The following NPTX2 variants were observed in gnomAD, a reference collection of about 807,000 sequenced individuals.
NPTX2 encodes the protein neuronal pentraxin-2.
Under a neutral mutation model 38.1 loss-of-function variants are expected in NPTX2, and 23 were observed. The observed-to-expected ratio is 0.60, with a 90% CI of 0.43 to 0.85. The LOEUF (loss-of-function observed/expected upper bound fraction) is 0.85. NPTX2 is among the 40% of genes least tolerant of loss of function. The pLI is 0.00. For missense variants in NPTX2, 553 were observed against 615.3 expected, an observed-to-expected ratio of 0.90 and a Z score of 1.07; for synonymous variants, 291 against 287.3, an observed-to-expected ratio of 1.01 and a Z score of -0.13.
chr7:98,619,736 C>A lies in NPTX2; in HGVS notation c.520C>A (p.Leu174Met). 1 of 1,613,306 alleles carries A rather than the reference C, an allele frequency of 6.2e-7. No individual in the cohort carries two copies. Among genetic ancestry groups the A allele is most frequent in the Non-Finnish European group, 8.5e-7 (1 of 1,180,028 alleles). The change falls in exon 2 of 5, where the codon CTG (leucine) becomes ATG (methionine). Residue 174 changes from leucine to methionine, a missense_variant. Transcript: ENST00000265634. ...GCTGGGGGAGCTGGAGAGGCAGCTT[C>A]TGCGCAAGGTGGCAGAGCTGGAGGA... ...QRLGELERQL[L>M]RKVAELEDEK... is the part of the protein sequence containing the mutation.
chr7:98,625,046 G>A lies in NPTX2; in HGVS notation c.768G>A (p.Leu256=), dbSNP rs1240151401. The change falls in exon 3 of 5, where the codon CTG becomes CTA. Residue 256 remains leucine, a synonymous_variant. Transcript: ENST00000265634. ...ACGCCTTCACCATCTGCCTGTGGCT[G>A]CGGTCCAGCGCCTCACCAGGCATTG... ...ELYAFTICLW[L]RSSASPGIGT... 6.2e-7 allele frequency: 1 copy of A among 1,613,616 alleles called. No individual in the cohort carries two copies. The highest frequency in any genetic ancestry group is 1.7e-5 in the Admixed American group (1 of 60,024).
intron 2 of NPTX2, among the ~76,000 whole-genome samples, chr7:98,620,542 G>A (rs1207887294): frequency 6.6e-6 from 1 of 152,034 alleles, no homozygotes; most frequent in Non-Finnish European, 1.5e-5. Context: ...TTTCTTCCTG[G>A]CCCTTCTCAG....
chr7:98,621,954 T>G (rs1167769489), intron 2 of NPTX2, among the ~76,000 whole-genome samples: 1 of 152,196 alleles, frequency 6.6e-6, no homozygotes, highest in African/African-American at 2.4e-5. Context: ...CGGAGGCTCC[T>G]TGGAGCCCCC....
chr7:98,617,297 A>C lies in NPTX2; in HGVS notation c.-165A>C, dbSNP rs528305284. The stretch of plus-strand genomic sequence containing the variant: ...GACCCGGCAGGCCAGAGTGCCGAGC[A>C]GCGCGGTGGGTGCGGCTGTGAGACG... On this transcript the variant is annotated 5_prime_UTR_variant, in exon 1 of 5. Transcript: ENST00000265634. 17 of 276,800 alleles carry C rather than the reference A, an allele frequency of 6.1e-5. No individual in the cohort carries two copies. The South Asian group carries it at 1.3e-3, about 22-fold the overall frequency. 17.1% of individuals were successfully genotyped at this position (276,800 alleles called of 1,614,324 possible). A position where few individuals can be genotyped will look rare whatever the true frequency, so the allele number is the denominator to read the frequency against.
intron 2 of NPTX2, among the ~76,000 whole-genome samples, chr7:98,624,714 A>G (rs77745937): frequency 0.011 from 1,637 of 152,262 alleles, 24 homozygotes; most frequent in African/African-American, 0.036. Context: ...CCTAAGGACA[A>G]GGACTCCATC....
chr7:98,621,352 C>T (rs537494729), intron 2 of NPTX2, among the ~76,000 whole-genome samples: 10 of 152,284 alleles, frequency 6.6e-5, no homozygotes, highest in East Asian at 5.8e-4. Context: ...CTCACCTCTA[C>T]GAGGGCAAAG....
At chr7:98,626,260 CA>C (rs1199931265) in intron 3 of NPTX2, among the ~76,000 whole-genome samples, 2 of 151,822 alleles carry the variant, frequency 1.3e-5, no homozygotes, top group African/African-American at 4.8e-5. Context: ...AGAACATTCT[CA>C]GAACCTGTCC....
In NPTX2 at chr7:98,625,116, G is replaced by C. The variant is rs200042990; in HGVS notation, c.838G>C (p.Val280Leu). ...GGTGCCAGGGCAGGCCAACGAGATC[G>C]TGCTGATCGAGTGGGGCAACAACCC... ...YAVPGQANEIVLIEWGNNPIE... is the reference protein window; with the variant it reads ...YAVPGQANEILLIEWGNNPIE... The change falls in exon 3 of 5, where the codon GTG (valine) becomes CTG (leucine). Residue 280 changes from valine (V) to leucine (L), a missense_variant. Coordinates refer to ENST00000265634, the MANE Select transcript of NPTX2 (RefSeq NM_002523.3). 3.9e-5 allele frequency: 62 copies of C among 1,609,366 alleles called. No homozygotes were observed. The highest frequency in any genetic ancestry group is 4.7e-5 in the Non-Finnish European group (55 of 1,177,614).
At chr7:98,620,404 A>G (rs1044327952) in intron 2 of NPTX2, among the ~76,000 whole-genome samples, 2 of 152,132 alleles carry the variant, frequency 1.3e-5, no homozygotes, top group African/African-American at 4.8e-5. Flanking sequence ...AGAACATCCA[A>G]TGACTTTGGC....
At chr7:98,624,833 T>C in intron 2 of NPTX2, 89 bp from the exon 3 acceptor site, 1 of 1,499,746 alleles carries the variant, frequency 6.7e-7, no homozygotes, top group South Asian at 1.3e-5. Flanking sequence ...GACCTTCTTG[T>C]GGGTCTAGCA....
At chr7:98,624,220 G>A (rs1791309819) in intron 2 of NPTX2, among the ~76,000 whole-genome samples, 1 of 152,152 alleles carries the variant, frequency 6.6e-6, no homozygotes, top group Non-Finnish European at 1.5e-5. Context: ...GCCTCCCAAA[G>A]CACTGGGATT....
chr7:98,619,883 G>A, intron 2 of NPTX2, 24 bp downstream of exon 2: 1 of 1,601,930 alleles, frequency 6.2e-7, no homozygotes, highest in Non-Finnish European at 8.5e-7. Flanking sequence ...CTGTTTCTCT[G>A]TCTGGCAGTG....
chr7:98,628,445 G>C lies in NPTX2; in HGVS notation c.1112G>C (p.Gly371Ala). The change falls in exon 5 of 5, where the codon GGG becomes GCG. Residue 371 changes from glycine to alanine, a missense_variant. Transcript: ENST00000265634. ...TTTGATGCCACTCAGGCATTTGTCGGGGAGCTCAGCCAGTTCAACATATGG... is the reference window on the plus strand; with the variant it reads ...TTTGATGCCACTCAGGCATTTGTCGCGGAGCTCAGCCAGTTCAACATATGG... ...GRFDATQAFVGELSQFNIWDR... is the reference protein window; with the variant it reads ...GRFDATQAFVAELSQFNIWDR... The C allele has an allele frequency of 6.2e-7, 1 of 1,611,490 alleles. No individual in the cohort carries two copies. Among genetic ancestry groups the C allele is most frequent in the Non-Finnish European group, 8.5e-7 (1 of 1,178,398 alleles).
At chr7:98,618,599 C>CCG (rs1791221206) in intron 1 of NPTX2, among the ~76,000 whole-genome samples, 1 of 118,114 alleles carries the variant, frequency 8.5e-6, no homozygotes, top group African/African-American at 3.1e-5. Flanking sequence ...CCTCCGTCCC[C>CCG]CCCCCCCGCC....
intron 2 of NPTX2, among the ~76,000 whole-genome samples, chr7:98,620,507 T>A (rs886197316): frequency 6.6e-6 from 1 of 152,192 alleles, no homozygotes; most frequent in Non-Finnish European, 1.5e-5. Context: ...CCTTTCCTAG[T>A]CTCTTCCTAC....
intron 4 of NPTX2, among the ~76,000 whole-genome samples, chr7:98,628,036 AGACT>A (rs1483936499): frequency 2.0e-5 from 3 of 152,242 alleles, no homozygotes; most frequent in African/African-American, 7.2e-5. Context: ...AGTGGGGCGT[AGACT>A]CCAGGTGCAC....
chr7:98,619,796 C>T lies in NPTX2; in HGVS notation c.580C>T (p.His194Tyr). Reference sequence around the variant, plus strand: ...CCTGCTGCACAATGAGACCTCGGCTCACCGGCAGAAGACCGAGAGCACCCT... The same window carrying T: ...CCTGCTGCACAATGAGACCTCGGCTTACCGGCAGAAGACCGAGAGCACCCT... The part of the protein sequence containing the change: ...KSLLHNETSA[H>Y]RQKTESTLNA... Residue 194 changes from histidine to tyrosine, a missense_variant, in exon 2 of 5, where the codon CAC becomes TAC. Physicochemically the swap from His to Tyr is moderately conservative, Grantham distance 83. Transcript: ENST00000265634. 1.2e-6 allele frequency: 2 copies of T among 1,613,882 alleles called. No individual in the cohort carries two copies. Among genetic ancestry groups the T allele is most frequent in the South Asian group, 2.2e-5 (2 of 91,084 alleles).
intron 3 of NPTX2, 82 bp from the exon 4 acceptor site, chr7:98,627,083 G>A (rs1228856765): frequency 2.3e-6 from 2 of 881,876 alleles, no homozygotes; most frequent in African/African-American, 1.6e-5. Context: ...GGGGACTGTG[G>A]GGTGTCCTTC....
intron 2 of NPTX2, chr7:98,620,232 T>G: frequency 4.1e-6 from 1 of 242,368 alleles, no homozygotes; most frequent in Non-Finnish European, 8.3e-6. Flanking sequence ...ATAATTCAGA[T>G]TGCGTCATCA....
Sources: gnomAD v4.1 joint callset for allele counts (sites outside exome capture counted in the v4.1 genomes callset) on GRCh38, gnomAD v4.1.1 for gene constraint, MANE v1.5 for transcripts, NCBI Gene and HGNC (gene_info 2026-07-23, HGNC 2026-07-21) for gene names.